SHB: variants seen among roughly 807,000 people sequenced by gnomAD.
SHB encodes SH2 domain-containing adapter protein B.
A neutral mutation model predicts 52.3 loss-of-function variants in SHB; 20 were observed. The observed-to-expected ratio is 0.38, with a 90% CI of 0.27 to 0.56. The LOEUF (loss-of-function observed/expected upper bound fraction) is 0.56. Ranked by LOEUF, SHB falls within the 20% of genes least tolerant of loss-of-function variation. The pLI is 0.71. For synonymous variants in SHB, 397 were observed against 316.5 expected, an observed-to-expected ratio of 1.25 and a Z score of -2.70; for missense variants, 825 against 723.3, an observed-to-expected ratio of 1.14 and a Z score of -1.61.
chr9:37,917,759 A>C lies in SHB; in HGVS notation c.*2062T>G, dbSNP rs1010723422. 6.6e-6 allele frequency among the ~76,000 whole-genome samples: 1 copy of C among 152,224 alleles called. No homozygotes were observed. The highest frequency in any genetic ancestry group is 1.5e-5 in the Non-Finnish European group (1 of 68,038). On this transcript the variant is annotated 3_prime_UTR_variant, in exon 6 of 6. Transcript: ENST00000377707. ...TCCCTCATTGAGGGATGTTTTAGGA[A>C]ATGCCAAACAGGCAAGGAAAGGATT...
At chr9:38,061,025 T>C (rs1343287433) in intron 1 of SHB, among the ~76,000 whole-genome samples, 2 of 152,150 alleles carry the variant, frequency 1.3e-5, no homozygotes, top group Admixed American at 1.3e-4. Context: ...GACCACCACC[T>C]TTGTCCTGCG....
intron 4 of SHB, 93 bp downstream of exon 4, chr9:37,955,790 G>A: frequency 7.8e-7 from 1 of 1,282,204 alleles, no homozygotes; most frequent in Non-Finnish European, 1.1e-6. Context: ...GCCCGGCCCA[G>A]TCTGTGGATT....
At chr9:37,990,834 C>G (rs1820872864) in intron 2 of SHB, among the ~76,000 whole-genome samples, 2 of 152,170 alleles carry the variant, frequency 1.3e-5, no homozygotes, top group Non-Finnish European at 2.9e-5. Flanking sequence ...TTCAATAGAA[C>G]AAATGACCTC....
chr9:37,988,199 G>A (rs1378840253), intron 2 of SHB, among the ~76,000 whole-genome samples: 1 of 152,182 alleles, frequency 6.6e-6, no homozygotes, highest in Non-Finnish European at 1.5e-5. Context: ...CAGGGACTGA[G>A]AGACAACCTT....
chr9:38,019,627 A>C (rs1438113418), intron 1 of SHB, among the ~76,000 whole-genome samples: 3 of 152,200 alleles, frequency 2.0e-5, no homozygotes, highest in African/African-American at 7.2e-5. Context: ...TCCTCTCCAC[A>C]TGCTTTCAGT....
At chr9:38,011,916 A>G (rs1821146859) in intron 2 of SHB, among the ~76,000 whole-genome samples, 1 of 152,106 alleles carries the variant, frequency 6.6e-6, no homozygotes, top group Admixed American at 6.5e-5. Flanking sequence ...GAGAGAGGCG[A>G]TGGGGATGGC....
chr9:38,026,934 T>C (rs1821349999), intron 1 of SHB, among the ~76,000 whole-genome samples: 1 of 152,216 alleles, frequency 6.6e-6, no homozygotes, highest in African/African-American at 2.4e-5. Flanking sequence ...CCCCCTGCTC[T>C]TGCATTGCTT....
intron 2 of SHB, among the ~76,000 whole-genome samples, chr9:38,011,194 G>A (rs1821137714): frequency 6.6e-6 from 1 of 152,154 alleles, no homozygotes; most frequent in African/African-American, 2.4e-5. Context: ...GGGAAAGAAG[G>A]GGCTGTGAAG....
chr9:38,037,540 CA>C (rs1267521968), intron 1 of SHB, among the ~76,000 whole-genome samples: 2 of 152,212 alleles, frequency 1.3e-5, no homozygotes, highest in Admixed American at 6.5e-5. Context: ...CACACTGTGT[CA>C]CCTTGAGAAG....
chr9:37,979,650 C>CA (rs566684867), intron 2 of SHB, among the ~76,000 whole-genome samples: 19 of 150,450 alleles, frequency 1.3e-4, no homozygotes, highest in East Asian at 3.9e-4. Context: ...ACAACAACAA[C>CA]AAAAAAAACA....
At chr9:37,947,010 G>GC (rs1436002764) in intron 5 of SHB, among the ~76,000 whole-genome samples, 1 of 152,094 alleles carries the variant, frequency 6.6e-6, no homozygotes, top group Non-Finnish European at 1.5e-5. Context: ...TGGTGTGCAC[G>GC]CCCCCCTGCT....
At chr9:37,990,361 A>G (rs891366335) in intron 2 of SHB, among the ~76,000 whole-genome samples, 2 of 152,148 alleles carry the variant, frequency 1.3e-5, no homozygotes, top group East Asian at 3.9e-4. Context: ...TTGCGTGCTC[A>G]GGCTCACCCC....
chr9:37,985,289 T>C (rs1248719335), intron 2 of SHB, among the ~76,000 whole-genome samples: 2 of 152,228 alleles, frequency 1.3e-5, no homozygotes, highest in African/African-American at 4.8e-5. Flanking sequence ...TGGTTGTCTG[T>C]ACAAGGACAG....
At chr9:37,935,431 AC>A (rs1183281837) in intron 5 of SHB, among the ~76,000 whole-genome samples, 8 of 152,274 alleles carry the variant, frequency 5.3e-5, no homozygotes, top group African/African-American at 1.9e-4. Context: ...TCTCTGGCAG[AC>A]TGGGAAGTGG....
At chr9:38,027,152 G>A (rs1821352007) in intron 1 of SHB, among the ~76,000 whole-genome samples, 1 of 152,220 alleles carries the variant, frequency 6.6e-6, no homozygotes, top group African/African-American at 2.4e-5. Flanking sequence ...AGCACCTGGT[G>A]CACAGCAGGG....
chr9:37,982,230 C>T (rs1321461388), intron 2 of SHB, among the ~76,000 whole-genome samples: 3 of 152,220 alleles, frequency 2.0e-5, no homozygotes, highest in African/African-American at 7.2e-5. Context: ...TGGTGGCTCA[C>T]GCCTGTACTC....
chr9:37,987,098 T>C (rs1820818400), intron 2 of SHB, among the ~76,000 whole-genome samples: 1 of 152,184 alleles, frequency 6.6e-6, no homozygotes. Context: ...CCTGCAGCTC[T>C]CACAGAACCT....
intron 3 of SHB, among the ~76,000 whole-genome samples, chr9:37,973,607 T>C (rs1387152185): frequency 1.3e-5 from 2 of 152,382 alleles, no homozygotes; most frequent in South Asian, 2.1e-4. Flanking sequence ...TTATGACTTA[T>C]GATGCACATG....
chr9:37,944,666 G>C (rs775354235), intron 5 of SHB, among the ~76,000 whole-genome samples: 1 of 152,128 alleles, frequency 6.6e-6, no homozygotes, highest in Non-Finnish European at 1.5e-5. Context: ...GCACGTCAGT[G>C]GCCCCATCAC....
Sources: allele counts gnomAD v4.1 joint callset (sites outside exome capture counted in the v4.1 genomes callset), GRCh38; gene constraint gnomAD v4.1.1; transcripts MANE v1.5; gene names NCBI Gene and HGNC (gene_info 2026-07-23, HGNC 2026-07-21).